Variants in CRADD observed in about 807,000 individuals in gnomAD.
The protein encoded by CRADD is CARD and death domain containing adaptor protein.
A neutral mutation model predicts 15.5 loss-of-function variants in CRADD; 9 were observed. The ratio of observed to expected loss-of-function variants is 0.58; its 90% CI spans 0.35 to 1.01. CRADD has a LOEUF of 1.01. CRADD is among the 50% of genes least tolerant of loss of function. CRADD has a pLI of 0.02. For missense variants in CRADD, 227 were observed against 250.3 expected (o/e 0.91, Z 0.63); for synonymous variants, 118 against 107.6 (o/e 1.10, Z -0.60).
chr12:93,764,643 C>G (rs1957006229), intron 2 of CRADD, among the ~76,000 whole-genome samples: 2 of 151,786 alleles, frequency 1.3e-5, no homozygotes, highest in African/African-American at 4.8e-5. Context: ...GGAAATTGAC[C>G]TTCCTGCTAG....
chr12:93,851,447 C>G (rs978723767), downstream of CRADD, among the ~76,000 whole-genome samples: 1 of 152,224 alleles, frequency 6.6e-6, no homozygotes, highest in African/African-American at 2.4e-5. Flanking sequence ...CCTCAGTTTC[C>G]TCATTGGCAG....
Position 93,850,179 on chromosome 12 carries a change from C to T in CRADD, c.508C>T (p.Arg170Cys), listed in dbSNP as rs749655461. The T allele has an allele frequency of 7.4e-6, 12 of 1,613,620 alleles. No homozygotes were observed. Among genetic ancestry groups the T allele is most frequent in the African/African-American group, 4.0e-5 (3 of 74,894 alleles). The change falls in exon 3 of 3, where the codon CGC becomes TGC. Residue 170 changes from arginine (R) to cysteine (C), a missense_variant. Physicochemically the swap from Arg to Cys is radical, Grantham distance 180 (BLOSUM62 -3). Transcript: ENST00000332896. This position sits in a 1 kb window ranked among gnomAD's most constrained non-coding sequence, Gnocchi z 4.0. The part of the protein sequence containing the change: ...VVEAFIRWRQ[R>C]FGKQATFQSL... ...GGAGGCCTTCATCCGTTGGCGGCAG[C>T]GCTTCGGGAAGCAGGCCACCTTCCA...
At chr12:93,801,755 G>A (rs1022940625) in intron 2 of CRADD, among the ~76,000 whole-genome samples, 9 of 152,036 alleles carry the variant, frequency 5.9e-5, no homozygotes, top group African/African-American at 1.9e-4. Context: ...TGGTTACATG[G>A]ATAAGTTCTT....
intron 2 of CRADD, among the ~76,000 whole-genome samples, chr12:93,856,402 TA>T (rs1309934629): frequency 2.6e-5 from 4 of 152,220 alleles, no homozygotes; most frequent in African/African-American, 9.7e-5. Flanking sequence ...GAATAAGCCA[TA>T]GTCTCTGCTC....
chr12:93,854,328 G>A (rs1380532786), downstream of CRADD, among the ~76,000 whole-genome samples: 1 of 152,200 alleles, frequency 6.6e-6, no homozygotes, highest in Non-Finnish European at 1.5e-5. Context: ...TAGGTCACAC[G>A]CCTTTTATCT....
chr12:93,691,345 C>A (rs1955566214), intron 2 of CRADD, among the ~76,000 whole-genome samples: 1 of 151,892 alleles, frequency 6.6e-6, no homozygotes, highest in Admixed American at 6.6e-5. Context: ...CCTCCGCCTC[C>A]CGGGTTCAAG....
At chr12:93,766,228 A>G (rs1419671964) in intron 2 of CRADD, among the ~76,000 whole-genome samples, 5 of 152,114 alleles carry the variant, frequency 3.3e-5, no homozygotes, top group Non-Finnish European at 7.4e-5. Context: ...TTTCTCCCCA[A>G]GCGTTCCTTA....
At chr12:93,801,941 C>G (rs1296890661) in intron 2 of CRADD, among the ~76,000 whole-genome samples, 5 of 152,296 alleles carry the variant, frequency 3.3e-5, no homozygotes, top group Middle Eastern at 3.4e-3. Flanking sequence ...TGAGAACATA[C>G]AATATTTGTT....
chr12:93,805,085 G>C (rs1394447520), intron 2 of CRADD, among the ~76,000 whole-genome samples: 2 of 151,756 alleles, frequency 1.3e-5, no homozygotes, highest in African/African-American at 4.8e-5. Flanking sequence ...TTCTGAGTTA[G>C]GCACCACTTA....
chr12:93,843,299 G>T (rs1170263155), intron 2 of CRADD, among the ~76,000 whole-genome samples: 2 of 151,926 alleles, frequency 1.3e-5, no homozygotes, highest in African/African-American at 4.8e-5. Context: ...TCAGTCATTT[G>T]GGGTCCCCTT....
chr12:93,781,590 C>G (rs973480553), intron 2 of CRADD, among the ~76,000 whole-genome samples: 2 of 152,180 alleles, frequency 1.3e-5, no homozygotes, highest in South Asian at 4.1e-4. Context: ...AAAAGTGGAA[C>G]AGCCGAACGT....
In CRADD at chr12:93,850,529, G is replaced by A. The variant is rs1958206633; in HGVS notation, c.*258G>A. On this transcript the variant is annotated 3_prime_UTR_variant, in exon 3 of 3. Transcript: ENST00000332896. This position sits in a 1 kb window ranked among gnomAD's most constrained non-coding sequence, Gnocchi z 4.0. ...TGTTGTAATTGTTCAGTTTTTAAAT[G>A]TGTAATGGCATTTTAATAGACTAGT... is the stretch of plus-strand genomic sequence containing the variant. The A allele has an allele frequency of 8.5e-7, 1 of 1,180,768 alleles. No individual in the cohort carries two copies. The highest frequency in any genetic ancestry group is 4.5e-5 in the Admixed American group (1 of 22,050). The allele number at this position is 1,180,768 out of a possible 1,614,324, so 73.1% of individuals were successfully genotyped here.
chr12:93,735,340 T>C (rs1369649157), intron 2 of CRADD, among the ~76,000 whole-genome samples: 1 of 152,132 alleles, frequency 6.6e-6, no homozygotes, highest in Non-Finnish European at 1.5e-5. Context: ...TATGGAAAGT[T>C]TGTAAAGTGG....
At chr12:93,724,488 T>C (rs567321331) in intron 2 of CRADD, among the ~76,000 whole-genome samples, 2 of 152,332 alleles carry the variant, frequency 1.3e-5, no homozygotes, top group South Asian at 4.1e-4. Context: ...TCACTTTTCT[T>C]ACAGAACTAA....
chr12:93,799,074 C>A (rs1957450495), intron 2 of CRADD, among the ~76,000 whole-genome samples: 2 of 152,058 alleles, frequency 1.3e-5, no homozygotes, highest in South Asian at 4.1e-4. Flanking sequence ...TGCATTTCTA[C>A]CAGGGTAACT....
intron 2 of CRADD, among the ~76,000 whole-genome samples, chr12:93,739,038 T>C (rs948246074): frequency 6.6e-6 from 1 of 152,142 alleles, no homozygotes; most frequent in African/African-American, 2.4e-5. Context: ...AGAGTTTTAT[T>C]TTTATTTGTT....
chr12:93,880,857 G>A (rs576265223), intron 2 of CRADD, among the ~76,000 whole-genome samples: 35 of 152,278 alleles, frequency 2.3e-4, no homozygotes, highest in Non-Finnish European at 3.7e-4. Flanking sequence ...TTGTTGATAA[G>A]TTCCTTCCTC....
chr12:93,845,084 G>GAGGAAA, intron 2 of CRADD, among the ~76,000 whole-genome samples: 1 of 152,348 alleles, frequency 6.6e-6, no homozygotes. Context: ...CCATAGGAGT[G>GAGGAAA]AGTCTGCCCT....
intron 2 of CRADD, among the ~76,000 whole-genome samples, chr12:93,697,154 A>G (rs926185338): frequency 2.0e-5 from 3 of 152,200 alleles, no homozygotes; most frequent in African/African-American, 4.8e-5. Context: ...TATGGTCCCA[A>G]TGTCTCCCAG....
Sources: gnomAD v4.1 joint callset for allele counts (sites outside exome capture counted in the v4.1 genomes callset) on GRCh38, gnomAD v4.1.1 for gene constraint, Gnocchi (gnomAD v3.1) non-coding constraint, MANE v1.5 for transcripts, NCBI Gene and HGNC (gene_info 2026-07-23, HGNC 2026-07-21) for gene names.